Variants in SETX observed in about 807,000 individuals in gnomAD.
The protein encoded by SETX is senataxin.
A neutral mutation model predicts 227.2 loss-of-function variants in SETX; 90 were observed. The observed-to-expected ratio is 0.40, with a 90% confidence interval of 0.33 to 0.47. The LOEUF is 0.47. Ranked by LOEUF, SETX falls within the 20% of genes least tolerant of loss-of-function variation. The probability of loss-of-function intolerance (pLI) is 0.91; values close to 1 mark genes in which losing one functional copy is unlikely to be tolerated. For synonymous variants in SETX, 1,210 were observed against 1,113.2 expected (o/e 1.09, Z -1.73); for missense variants, 3,052 against 3,181.5 (o/e 0.96, Z 0.98).
In SETX at chr9:132,328,035, G is replaced by A. The variant is rs569695031; in HGVS notation, c.3563C>T (p.Thr1188Ile). The A allele has an allele frequency of 6.2e-7, 1 of 1,613,966 alleles. No homozygotes were observed. Among genetic ancestry groups the A allele is most frequent in the African/African-American group, 1.3e-5 (1 of 74,894 alleles). Residue 1188 changes from threonine (T) to isoleucine (I), a missense_variant, in exon 10 of 26, where the codon ACT becomes ATT. By Grantham distance (89) the Thr-to-Ile change is moderately conservative (BLOSUM62 -1). Around this residue, in one of 10 missense-constraint regions of SETX, gnomAD observed 1,483 missense variants for 1,312.0 expected, o/e 1.13. Transcript: ENST00000224140. The stretch of plus-strand genomic sequence containing the variant: ...ATTTCCCACAAGATCTCTCTTATTA[G>A]TATCAGACTGGCCCTCATTTCTGAC... ...SSVRNEGQSDTNKRDLVGNDF... is the reference protein window; with the variant it reads ...SSVRNEGQSDINKRDLVGNDF...
chr9:132,305,435 C>T (rs1157136372), intron 11 of SETX, among the ~76,000 whole-genome samples: 2 of 145,234 alleles, frequency 1.4e-5, no homozygotes, highest in African/African-American at 5.1e-5. Context: ...TTAAAAAGGA[C>T]AAGAAACTGG....
At chr9:132,271,630 G>T in intron 24 of SETX, 80 bp downstream of exon 24, 1 of 1,133,888 alleles carries the variant, frequency 8.8e-7, no homozygotes, top group Non-Finnish European at 1.3e-6. Context: ...TTCTCTAACA[G>T]TGATAATGAA....
chr9:132,330,126 T>C lies in SETX; in HGVS notation c.1472A>G (p.Lys491Arg). 6.2e-7 allele frequency: 1 copy of C among 1,613,052 alleles called. No individual in the cohort carries two copies. Among genetic ancestry groups the C allele is most frequent in the Non-Finnish European group, 8.5e-7 (1 of 1,179,076 alleles). The stretch of plus-strand genomic sequence containing the variant: ...CGCAGTGGTAGGAAGCTTGGCACAT[T>C]TGACGACGGCTTCCACCCATTGCTG... ...SSQQWVEAVV[K>R]CAKLPTTAFT... The change falls in exon 10 of 26, where the codon AAA becomes AGA. Residue 491 changes from lysine to arginine, a missense_variant. Around this residue, in one of 10 missense-constraint regions of SETX, gnomAD observed 179 missense variants for 197.1 expected, o/e 0.91. Coordinates refer to ENST00000224140, the MANE Select transcript of SETX (RefSeq NM_015046.7).
intron 14 of SETX, 87 bp downstream of exon 14, chr9:132,296,800 G>T: frequency 1.7e-6 from 2 of 1,212,064 alleles, no homozygotes; most frequent in Non-Finnish European, 2.4e-6. Context: ...GAAATGGCAT[G>T]TTAATACTTA....
chr9:132,295,073 A>T (rs1844590891), intron 15 of SETX, among the ~76,000 whole-genome samples: 1 of 152,254 alleles, frequency 6.6e-6, no homozygotes, highest in African/African-American at 2.4e-5. Context: ...AGCCATAACT[A>T]TACCACTCAA....
At chr9:132,344,437 G>A (rs1459423950) in intron 4 of SETX, among the ~76,000 whole-genome samples, 1 of 152,146 alleles carries the variant, frequency 6.6e-6, no homozygotes, top group Non-Finnish European at 1.5e-5. Context: ...CCGAGGGTGA[G>A]AAGACTGTTT....
At chr9:132,280,624 C>T (rs78639393) in intron 20 of SETX, among the ~76,000 whole-genome samples, 1,637 of 152,348 alleles carry the variant, frequency 0.011, 29 homozygotes, top group African/African-American at 0.037. Context: ...TAACCACCTG[C>T]ATTCATTCCA....
chr9:132,324,836 TTAAC>T (rs1444739338), intron 10 of SETX, among the ~76,000 whole-genome samples: 2 of 152,172 alleles, frequency 1.3e-5, no homozygotes, highest in Non-Finnish European at 2.9e-5. Context: ...CTTTTGAGGA[TTAAC>T]TAAAAATTTG....
Position 132,328,928 on chromosome 9 carries a change from A to G in SETX, c.2670T>C (p.His890=), listed in dbSNP as rs1847034295. The change falls in exon 10 of 26, where the codon CAT becomes CAC. Residue 890 remains histidine (H), a synonymous_variant. Transcript: ENST00000224140. ...AAGGGATCAATTCTTTACCATCAAC[A>G]TGAAATTCCTGTATTTTACAATTGT... The part of the protein sequence containing the change: ...HENNCKIQEF[H]VDGKELIPFT... 6.2e-7 allele frequency: 1 copy of G among 1,612,822 alleles called. No homozygotes were observed. The highest frequency in any genetic ancestry group is 8.5e-7 in the Non-Finnish European group (1 of 1,179,740).
intron 10 of SETX, 84 bp downstream of exon 10, chr9:132,326,240 G>T: frequency 2.7e-6 from 3 of 1,102,530 alleles, no homozygotes; most frequent in Non-Finnish European, 4.0e-6. Context: ...CTGATTTTTT[G>T]AACTATACTC....
chr9:132,354,397 G>T (rs1054285240), intron 1 of SETX, among the ~76,000 whole-genome samples: 1 of 151,306 alleles, frequency 6.6e-6, no homozygotes, highest in Admixed American at 6.6e-5. Context: ...TCGGGGGGAT[G>T]AGGCGGAAGG....
chr9:132,284,928 G>C (rs925218718), intron 18 of SETX, among the ~76,000 whole-genome samples: 1 of 151,558 alleles, frequency 6.6e-6, no homozygotes, highest in Non-Finnish European at 1.5e-5. Context: ...ACCCAGGCTG[G>C]AGTGCAGTGG....
intron 11 of SETX, among the ~76,000 whole-genome samples, chr9:132,309,205 T>G (rs1451336861): frequency 1.3e-5 from 2 of 152,118 alleles, no homozygotes; most frequent in Non-Finnish European, 2.9e-5. Flanking sequence ...AAACTTCTTA[T>G]AAAGCTAGAT....
At chr9:132,305,053 T>C (rs998178509) in intron 11 of SETX, among the ~76,000 whole-genome samples, 9 of 149,890 alleles carry the variant, frequency 6.0e-5, no homozygotes, top group Admixed American at 5.3e-4. Context: ...TTTGGGGATA[T>C]AAAAAACTAT....
chr9:132,348,817 A>G (rs1336593620), intron 3 of SETX, among the ~76,000 whole-genome samples: 1 of 152,122 alleles, frequency 6.6e-6, no homozygotes, highest in East Asian at 1.9e-4. Flanking sequence ...AGTCCCAGCT[A>G]CTCAGGAGGA....
At chr9:132,342,638 T>C (rs1848046762) in intron 5 of SETX, 52 bp downstream of exon 5, 1 of 1,210,488 alleles carries the variant, frequency 8.3e-7, no homozygotes, top group Non-Finnish European at 1.2e-6. Flanking sequence ...TATAGCTATC[T>C]ATAGGTACAA....
intron 12 of SETX, 125 bp downstream of exon 12, chr9:132,300,505 A>G: frequency 9.6e-7 from 1 of 1,045,410 alleles, no homozygotes; most frequent in South Asian, 1.3e-5. Context: ...TGGCCATGTA[A>G]TCAACATAGC....
chr9:132,317,632 C>CTT lies in SETX; in HGVS notation c.5275-5778_5275-5777dup, dbSNP rs528921561. Among the ~76,000 whole-genome samples, 1,144 of 145,006 alleles carry CTT rather than the reference C, an allele frequency of 7.9e-3. 19 individuals are homozygous for CTT. Among genetic ancestry groups the CTT allele is most frequent in the African/African-American group, 0.027 (1,075 of 39,766 alleles). ...CATGTTTGTTTGCCGTATCATTTTC[C>CTT]TTTTTTTTTTTAAAGGGACAGGGTC... On this transcript the variant is annotated intron_variant, in intron 10 of 25. Transcript: ENST00000224140.
chr9:132,270,969 T>A (rs1842874791), intron 24 of SETX, among the ~76,000 whole-genome samples: 1 of 152,254 alleles, frequency 6.6e-6, no homozygotes, highest in African/African-American at 2.4e-5. Flanking sequence ...CTATTTTATT[T>A]GAAAACGAAC....
Sources: gnomAD v4.1 joint callset for allele counts (sites outside exome capture counted in the v4.1 genomes callset) on GRCh38, gnomAD v4.1.1 for gene constraint, gnomAD v4.1.1 regional missense constraint, MANE v1.5 for transcripts, NCBI Gene and HGNC (gene_info 2026-07-23, HGNC 2026-07-21) for gene names.